The following ISG20L2 variants were observed in gnomAD, a reference collection of about 807,000 sequenced individuals.
ISG20L2 encodes the protein interferon stimulated exonuclease gene 20 like 2, also known as interferon-stimulated 20 kDa exonuclease-like 2.
Under a neutral mutation model 27.8 loss-of-function variants are expected in ISG20L2, and 14 were observed. The ratio of observed to expected loss-of-function variants is 0.50; its 90% confidence interval spans 0.33 to 0.79. ISG20L2 has a LOEUF of 0.79. ISG20L2 is among the 30% of genes least tolerant of loss of function. The probability of loss-of-function intolerance (pLI) is 0.02; values close to 1 mark genes in which losing one functional copy is unlikely to be tolerated. For missense variants in ISG20L2, 393 were observed against 435.1 expected, an observed-to-expected ratio of 0.90 and a Z score of 0.86; for synonymous variants, 157 against 165.7, an observed-to-expected ratio of 0.95 and a Z score of 0.40.
intron 2 of ISG20L2, chr1:156,725,808 C>CA (rs1275291197): frequency 2.1e-6 from 2 of 951,132 alleles, no homozygotes; most frequent in East Asian, 1.2e-4. Flanking sequence ...CCTTTGTGCA[C>CA]AAGATGTTTA....
At position 156,727,771 on chromosome 1, in the gene ISG20L2, T is replaced by C. The variant is rs1648864048; in HGVS notation, c.-117-2A>G. ...ACATGTGGAGGTCTGTAGTACACCC[T>C]GGGGAAGAAAGTGATCCTGGTAATT... is the stretch of plus-strand genomic sequence containing the variant. On this transcript the variant is annotated splice_acceptor_variant, in intron 1 of 3. Transcript: ENST00000368219. LOFTEE classifies it low-confidence loss of function (5UTR_SPLICE). 2.7e-6 allele frequency: 4 copies of C among 1,494,560 alleles called. No individual in the cohort carries two copies. The highest frequency in any genetic ancestry group is 2.3e-5 in the Admixed American group (1 of 43,272). 92.6% of individuals were successfully genotyped at this position (1,494,560 alleles called of 1,614,324 possible).
At position 156,726,929 on chromosome 1, in the gene ISG20L2, G is replaced by T; in HGVS notation, c.724C>A (p.Pro242Thr). The change falls in exon 2 of 4, where the codon CCC becomes ACC. Residue 242 changes from proline (P) to threonine (T), a missense_variant. By Grantham distance (38) the Pro-to-Thr change is conservative. Coordinates refer to ENST00000368219, the MANE Select transcript of ISG20L2 (RefSeq NM_001370150.2). ...IRKQHMVNATPFKIARGQILK... is the reference protein window; with the variant it reads ...IRKQHMVNATTFKIARGQILK... ...ACCTGGCCTCGAGCAATCTTGAAGG[G>T]TGTGGCATTCACCATGTGCTGCTTC... 6.2e-7 allele frequency: 1 copy of T among 1,614,086 alleles called. No homozygotes were observed. The highest frequency in any genetic ancestry group is 8.5e-7 in the Non-Finnish European group (1 of 1,179,950).
Position 156,723,096 on chromosome 1 carries a change from C to A in ISG20L2, c.*253G>T. The stretch of plus-strand genomic sequence containing the variant: ...CACCCTGGGACACCTGTGGTTAGCA[C>A]CATTTAAGAAGTAAAAGGTATAGGG... On this transcript the variant is annotated 3_prime_UTR_variant, in exon 4 of 4. Coordinates refer to ENST00000368219, the MANE Select transcript of ISG20L2 (RefSeq NM_001370150.2). 4.3e-6 allele frequency: 2 copies of A among 466,086 alleles called. No individual in the cohort carries two copies. The highest frequency in any genetic ancestry group is 1.9e-5 in the African/African-American group (1 of 52,068). 28.9% of individuals were successfully genotyped at this position (466,086 alleles called of 1,614,324 possible).
intron 2 of ISG20L2, 56 bp downstream of exon 2, chr1:156,726,850 G>A: frequency 1.9e-6 from 3 of 1,561,012 alleles, no homozygotes; most frequent in Non-Finnish European, 2.6e-6. Context: ...GCTGAAAAAT[G>A]ATTTAGACCT....
chr1:156,726,017 C>G, intron 2 of ISG20L2: 1 of 985,606 alleles, frequency 1.0e-6, no homozygotes, highest in Non-Finnish European at 1.2e-6. Context: ...CCCTTCACTT[C>G]CTCTTTCACC....
intron 1 of ISG20L2, 129 bp downstream of exon 1, chr1:156,728,283 CCTT>C (rs1450041307): frequency 1.0e-6 from 1 of 985,756 alleles, no homozygotes; most frequent in Non-Finnish European, 1.2e-6. Context: ...TCACCCAAGT[CCTT>C]CTCCCACGCA....
intron 3 of ISG20L2, 53 bp downstream of exon 3, chr1:156,724,095 C>T (rs1464068118): frequency 1.4e-6 from 2 of 1,478,814 alleles, no homozygotes; most frequent in Non-Finnish European, 1.9e-6. Flanking sequence ...TGGCTAGGGG[C>T]ATCAACGAGA....
rs145601245 is a variant in ISG20L2 at position 156,727,234 on chromosome 1, C to G, written c.419G>C (p.Ser140Thr). ...NSHPTRSQKKSSQKKSSKKNH... is the reference protein window; with the variant it reads ...NSHPTRSQKKTSQKKSSKKNH... ...CTTTTTAGAGGATTTCTTCTGGGAG[C>G]TCTTCTTCTGAGAGCGGGTTGGGTG... Residue 140 changes from serine to threonine, a missense_variant, in exon 2 of 4, where the codon AGC becomes ACC. Physicochemically the swap from Ser to Thr is moderately conservative, Grantham distance 58. Around this residue, in one of 3 missense-constraint regions of ISG20L2, gnomAD observed 183 missense variants for 168.2 expected, o/e 1.09. Coordinates refer to ENST00000368219, the MANE Select transcript of ISG20L2 (RefSeq NM_001370150.2). 1.9e-6 allele frequency: 3 copies of G among 1,614,038 alleles called. No individual in the cohort carries two copies. Among genetic ancestry groups the G allele is most frequent in the Non-Finnish European group, 2.5e-6 (3 of 1,180,024 alleles).
intron 2 of ISG20L2, chr1:156,724,612 T>A (rs1319361692): frequency 7.4e-6 from 9 of 1,221,520 alleles, no homozygotes; most frequent in Non-Finnish European, 8.2e-6. Flanking sequence ...CCCATGACAT[T>A]AATTTGCCTT....
chr1:156,726,518 TC>T (rs1295889453), intron 2 of ISG20L2: 1 of 780,006 alleles, frequency 1.3e-6, no homozygotes, highest in African/African-American at 1.9e-5. Flanking sequence ...AGCCTCGACC[TC>T]CTGAGTAGCT....
intron 1 of ISG20L2, 105 bp from the exon 2 acceptor site, chr1:156,727,874 C>T (rs1648874556): frequency 1.1e-5 from 14 of 1,330,046 alleles, no homozygotes; most frequent in Middle Eastern, 2.9e-4. Context: ...TCAGAGCAAT[C>T]TCTCAGACAG....
intron 2 of ISG20L2, chr1:156,726,104 C>G (rs1426469650): frequency 2.0e-6 from 2 of 985,336 alleles, no homozygotes; most frequent in Non-Finnish European, 2.4e-6. Context: ...GATGACAACC[C>G]GAAGTGCCGG....
rs1367847216 is a variant in ISG20L2, at chr1:156,724,323, A to G, written c.773T>C (p.Ile258Thr). 5.6e-6 allele frequency: 9 copies of G among 1,612,026 alleles called. No homozygotes were observed. Among genetic ancestry groups the G allele is most frequent in the South Asian group, 1.1e-5 (1 of 91,024 alleles). The part of the protein sequence containing the change: ...GQILKILTGK[I>T]VVGHAIHNDF... ...GTTGTGGATGGCATGCCCCACCACT[A>G]TCTTCCCTGTGAGTATCTTCAAGAT... Residue 258 changes from isoleucine (I) to threonine (T), a missense_variant, in exon 3 of 4, where the codon ATA becomes ACA. Ile to Thr is a moderately conservative substitution (Grantham distance 89). Around this residue, in one of 3 missense-constraint regions of ISG20L2, gnomAD observed 171 missense variants for 195.3 expected, o/e 0.88. Transcript: ENST00000368219.
At position 156,723,309 on chromosome 1, in the gene ISG20L2, C is replaced by T. The variant is rs375565943; in HGVS notation, c.*40G>A. 19 of 1,612,178 alleles carry T rather than the reference C, an allele frequency of 1.2e-5. No individual in the cohort carries two copies. Among genetic ancestry groups the T allele is most frequent in the Middle Eastern group, 1.7e-4 (1 of 6,032 alleles). On this transcript the variant is annotated 3_prime_UTR_variant, in exon 4 of 4. Transcript: ENST00000368219. The stretch of plus-strand genomic sequence containing the variant: ...TCCACTGCCCTGTTTCTCCTGGGTG[C>T]TGCCTCTGCCTCCTCATATCACCAG...
At chr1:156,724,983 G>A (rs1648688663) in intron 2 of ISG20L2, 1 of 149,832 alleles carries the variant, frequency 6.7e-6, no homozygotes, top group Non-Finnish European at 1.5e-5. Flanking sequence ...ATGGAGTCTT[G>A]CTCTGTTGCC....
chr1:156,724,361 TG>T lies in ISG20L2; in HGVS notation c.748-14del, dbSNP rs1648665541. On this transcript the variant is annotated splice_polypyrimidine_tract_variant and intron_variant, in intron 2 of 3. Coordinates refer to ENST00000368219, the MANE Select transcript of ISG20L2 (RefSeq NM_001370150.2). ...GTATCTTCAAGATCTGGAAGAAGTGTGGGAAGAGAGTGGTGAGAAGGAAGAC... is the reference window on the plus strand; with the variant it reads ...GTATCTTCAAGATCTGGAAGAAGTGTGGAAGAGAGTGGTGAGAAGGAAGAC... 1 of 1,598,616 alleles carries T rather than the reference TG, an allele frequency of 6.3e-7. No homozygotes were observed. Among genetic ancestry groups the T allele is most frequent in the Non-Finnish European group, 8.6e-7 (1 of 1,168,516 alleles).
In ISG20L2 at chr1:156,727,482, T is replaced by C. The variant is rs1648839615; in HGVS notation, c.171A>G (p.Glu57=). ...PPSKAPKLHS[E]PSKKGETPTV... is the part of the protein sequence containing the mutation. Reference sequence around the variant, plus strand: ...TAGGAGTTTCCCCTTTCTTTGAAGGTTCAGAGTGCAACTTAGGCGCCTTGC... The same window carrying C: ...TAGGAGTTTCCCCTTTCTTTGAAGGCTCAGAGTGCAACTTAGGCGCCTTGC... The change falls in exon 2 of 4, where the codon GAA becomes GAG. Residue 57 remains glutamate, a synonymous_variant. Transcript: ENST00000368219. 6.2e-7 allele frequency: 1 copy of C among 1,613,988 alleles called. No individual in the cohort carries two copies. Among genetic ancestry groups the C allele is most frequent in the South Asian group, 1.1e-5 (1 of 91,090 alleles).
chr1:156,728,716 T>A lies in ISG20L2; in HGVS notation c.-419A>T, dbSNP rs1029701276. The A allele has an allele frequency of 1.1e-4, 105 of 996,450 alleles. No homozygotes were observed. The highest frequency in any genetic ancestry group is 5.0e-4 in the Middle Eastern group (1 of 1,994). The allele number at this position is 996,450 out of a possible 1,614,324, so 61.7% of individuals were successfully genotyped here. A position where few individuals can be genotyped will look rare whatever the true frequency, so the allele number is the denominator to read the frequency against. On this transcript the variant is annotated 5_prime_UTR_variant, in exon 1 of 4. Coordinates refer to ENST00000368219, the MANE Select transcript of ISG20L2 (RefSeq NM_001370150.2). ...TGGGAAGGCCGCGATAAACCGGAAC[T>A]GCAGCCCGCCGGACACCTCCGGCTT...
At position 156,728,452 on chromosome 1, in the gene ISG20L2, A is replaced by G. The variant is rs910653070; in HGVS notation, c.-155T>C. 299 of 985,618 alleles carry G rather than the reference A, an allele frequency of 3.0e-4. 2 individuals carry two copies. The highest frequency in any genetic ancestry group is 5.2e-4 in the Middle Eastern group (1 of 1,938). The allele number at this position is 985,618 out of a possible 1,614,324, so 61.1% of individuals were successfully genotyped here. On this transcript the variant is annotated 5_prime_UTR_variant, in exon 1 of 4. Transcript: ENST00000368219. ...TCCAGCTAAGACCGGAAGCGTCCGG[A>G]GCCGGATGCGGAAATCGGTGCGCGC...
Sources: gnomAD v4.1 joint callset for allele counts on GRCh38, gnomAD v4.1.1 for gene constraint, gnomAD v4.1.1 regional missense constraint, MANE v1.5 for transcripts, NCBI Gene and HGNC (gene_info 2026-07-23, HGNC 2026-07-21) for gene names.